The following POLK variants were observed in gnomAD, a reference collection of about 807,000 sequenced individuals.
POLK encodes the protein polymerase (DNA directed) kappa.
Under a neutral mutation model 94.0 loss-of-function variants are expected in POLK, and 76 were observed. The ratio of observed to expected loss-of-function variants is 0.81; its 90% CI spans 0.67 to 0.98. The LOEUF is 0.98. Ranked by LOEUF, POLK falls within the 50% of genes least tolerant of loss-of-function variation. The pLI is 0.00. For missense variants in POLK, 954 were observed against 1,010.1 expected, an observed-to-expected ratio of 0.94 and a Z score of 0.75; for synonymous variants, 349 against 325.4, an observed-to-expected ratio of 1.07 and a Z score of -0.78.
the POLK span, among the ~76,000 whole-genome samples, chr5:75,607,833 G>C: frequency 1.3e-5 from 2 of 152,162 alleles, no homozygotes; most frequent in Non-Finnish European, 2.9e-5. Context: ...AGACATGTTT[G>C]TCCTCAAAAA....
chr5:75,555,808 C>A (rs999526929), intron 3 of POLK, among the ~76,000 whole-genome samples: 5 of 152,140 alleles, frequency 3.3e-5, no homozygotes, highest in African/African-American at 1.2e-4. Context: ...CTCAGCCTTC[C>A]AAAGTTCTGG....
At chr5:75,597,983 A>C (rs757070223) in exon 15 of POLK, 1 of 1,473,762 alleles carries the variant, frequency 6.8e-7, no homozygotes, top group South Asian at 1.3e-5. Context: ...AAAACCAAAC[A>C]ATCCCAAACA....
chr5:75,529,475 C>T (rs1170714736), intron 1 of POLK, among the ~76,000 whole-genome samples: 1 of 152,058 alleles, frequency 6.6e-6, no homozygotes, highest in Non-Finnish European at 1.5e-5. Context: ...GGAACACACA[C>T]ATAAAAACCA....
At chr5:75,604,420 A>T (rs2112925431), downstream of POLK, among the ~76,000 whole-genome samples, 1 of 152,314 alleles carries the variant, frequency 6.6e-6, no homozygotes, top group South Asian at 2.1e-4. Context: ...ACCGTCACCC[A>T]GGCTGAAATA....
At chr5:75,512,293 T>C (rs950974596) in intron 1 of POLK, 1 of 152,804 alleles carries the variant, frequency 6.5e-6, no homozygotes, top group Non-Finnish European at 1.5e-5. Context: ...CCTTAGTACC[T>C]TCTCACAAGC....
At chr5:75,571,934 G>C (rs1771620606) in intron 4 of POLK, among the ~76,000 whole-genome samples, 1 of 152,132 alleles carries the variant, frequency 6.6e-6, no homozygotes, top group Non-Finnish European at 1.5e-5. Context: ...CATTGGTTTT[G>C]TTTCTAGTGC....
At chr5:75,567,158 A>G (rs1328482543) in intron 3 of POLK, among the ~76,000 whole-genome samples, 3 of 152,206 alleles carry the variant, frequency 2.0e-5, no homozygotes, top group Non-Finnish European at 4.4e-5. Flanking sequence ...TATAGCATTA[A>G]TATATGAGTC....
chr5:75,576,752 T>C (rs772475885), intron 5 of POLK, 28 bp from the exon 6 acceptor site: 1 of 1,382,086 alleles, frequency 7.2e-7, no homozygotes, highest in Non-Finnish European at 9.6e-7. Flanking sequence ...CACAGCAAAA[T>C]TTAAACTTTT....
chr5:75,527,860 C>T (rs985140406), intron 1 of POLK, among the ~76,000 whole-genome samples: 5 of 152,106 alleles, frequency 3.3e-5, no homozygotes, highest in African/African-American at 9.7e-5. Context: ...AGATATTCAT[C>T]ACAGCATTTT....
chr5:75,550,693 T>TTTTC, intron 2 of POLK, among the ~76,000 whole-genome samples: 1 of 152,266 alleles, frequency 6.6e-6, no homozygotes, highest in Non-Finnish European at 1.5e-5. Flanking sequence ...AAAAGCATAT[T>TTTTC]TGATAAAATC....
upstream of POLK, chr5:75,511,502 C>T: frequency 6.7e-7 from 1 of 1,485,044 alleles, no homozygotes; most frequent in Non-Finnish European, 8.9e-7. Flanking sequence ...CCGAACTTAG[C>T]CCCCTCGATG....
intron 1 of POLK, among the ~76,000 whole-genome samples, chr5:75,519,261 G>A (rs1208114652): frequency 6.6e-6 from 1 of 152,162 alleles, no homozygotes; most frequent in African/African-American, 2.4e-5. Flanking sequence ...TATGTGATAT[G>A]ATTTCTACTT....
At chr5:75,593,575 G>T (rs1183176233) in intron 11 of POLK, among the ~76,000 whole-genome samples, 1 of 152,066 alleles carries the variant, frequency 6.6e-6, no homozygotes, top group Non-Finnish European at 1.5e-5. Context: ...ATTCTGGTTG[G>T]GTGCAGTAGC....
At chr5:75,511,691 C>T, upstream of POLK, 1 of 1,537,918 alleles carries the variant, frequency 6.5e-7, no homozygotes, top group Non-Finnish European at 8.8e-7. Context: ...CACTACTCCC[C>T]GCCCCGTCCC....
chr5:75,589,468 T>A (rs1376702720), intron 10 of POLK, among the ~76,000 whole-genome samples: 2 of 151,734 alleles, frequency 1.3e-5, no homozygotes, highest in East Asian at 1.9e-4. Flanking sequence ...TGTTTGTTTT[T>A]GAGAGGGAGT....
intron 1 of POLK, among the ~76,000 whole-genome samples, chr5:75,541,189 G>A (rs1193603813): frequency 6.6e-6 from 1 of 152,078 alleles, no homozygotes; most frequent in Admixed American, 6.6e-5. Context: ...TACTCGGGAG[G>A]CTGAGGCAGG....
At position 75,559,505 on chromosome 5, in the gene POLK, G is replaced by GTTTTTTT. The variant is rs1561371144; in HGVS notation, c.255+6915_255+6921dup. ...TTGGCAATTTATTGATTTGGGGTTT[G>GTTTTTTT]TTTTTTTGTTTTGTTTTGTTTTTTT... On this transcript the variant is annotated intron_variant, in intron 3 of 14. Coordinates refer to ENST00000241436, the Ensembl canonical transcript of POLK. 1.2e-3 allele frequency among the ~76,000 whole-genome samples: 83 copies of GTTTTTTT among 70,094 alleles called. 2 individuals carry two copies. Among genetic ancestry groups the GTTTTTTT allele is most frequent in the Middle Eastern group, 0.016 (2 of 124 alleles). 46.0% of individuals were successfully genotyped at this position (70,094 alleles called of 152,430 possible).
At chr5:75,525,211 T>A (rs5744564) in intron 1 of POLK, among the ~76,000 whole-genome samples, 6,606 of 152,294 alleles carry the variant, frequency 0.043, 183 homozygotes, top group Non-Finnish European at 0.063. Flanking sequence ...ATGATCCAGA[T>A]GTTGAACTAT....
At chr5:75,554,905 T>A (rs1035946676) in intron 3 of POLK, among the ~76,000 whole-genome samples, 2 of 152,238 alleles carry the variant, frequency 1.3e-5, no homozygotes, top group Non-Finnish European at 2.9e-5. Context: ...CAGTCTATCA[T>A]TGGTGAGCAT....
Sources: gnomAD v4.1 joint callset for allele counts (sites outside exome capture counted in the v4.1 genomes callset) on GRCh38, gnomAD v4.1.1 for gene constraint, MANE v1.5 for transcripts, NCBI Gene and HGNC (gene_info 2026-07-23, HGNC 2026-07-21) for gene names.